CSF2RB: variants seen among roughly 807,000 people sequenced by gnomAD.
The protein encoded by CSF2RB is colony stimulating factor 2 receptor subunit beta.
A neutral mutation model predicts 67.2 loss-of-function variants in CSF2RB; 22 were observed. The observed-to-expected ratio is 0.33, with a 90% confidence interval of 0.23 to 0.47. The LOEUF (loss-of-function observed/expected upper bound fraction) is 0.47, where lower values mean the gene tolerates loss of function less well. Ranked by LOEUF, CSF2RB falls within the 20% of genes least tolerant of loss-of-function variation. CSF2RB has a pLI of 1.00. For missense variants in CSF2RB, 1,113 were observed against 1,174.5 expected, an observed-to-expected ratio of 0.95 and a Z score of 0.76; for synonymous variants, 507 against 482.9, an observed-to-expected ratio of 1.05 and a Z score of -0.65.
chr22:36,928,048 G>A (rs16997507), intron 4 of CSF2RB, among the ~76,000 whole-genome samples: 2,858 of 152,286 alleles, frequency 0.019, 45 homozygotes, highest in South Asian at 0.067. Context: ...TATAGGGAGA[G>A]AAGTGTGGCC....
At chr22:36,918,708 G>T (rs1387041620) in intron 1 of CSF2RB, among the ~76,000 whole-genome samples, 1 of 152,176 alleles carries the variant, frequency 6.6e-6, no homozygotes, top group Non-Finnish European at 1.5e-5. Context: ...GGCTGCACAT[G>T]GAAAATCCCT....
At position 36,938,505 on chromosome 22, in the gene CSF2RB, C is replaced by G. The variant is rs752822192; in HGVS notation, c.*3C>G. The G allele has an allele frequency of 3.1e-6, 5 of 1,609,782 alleles. 1 individual carries two copies. In the South Asian group the frequency reaches 5.5e-5, roughly 18 times the overall value. On this transcript the variant is annotated 3_prime_UTR_variant, in exon 14 of 14. Coordinates refer to ENST00000403662, the MANE Select transcript of CSF2RB (RefSeq NM_000395.3). ...ACAAGCCTGGGGAGGTGTGTTGAGA[C>G]CCCCAGGCCTAGACAGGCAAGGGGA...
At chr22:36,914,900 A>G (rs950504114) in intron 1 of CSF2RB, among the ~76,000 whole-genome samples, 1 of 152,206 alleles carries the variant, frequency 6.6e-6, no homozygotes, top group Non-Finnish European at 1.5e-5. Flanking sequence ...ACAAGCAACT[A>G]CACAGAAACC....
rs529580142 is a variant in CSF2RB at position 36,918,344 on chromosome 22, A to G, written c.-172-3692A>G. Among the ~76,000 whole-genome samples the G allele has an allele frequency of 3.9e-5, 6 of 152,330 alleles. No homozygotes were observed. The South Asian group carries it at 1.0e-3, about 26-fold the overall frequency. Reference sequence around the variant, plus strand: ...TTCCCTTGGTATTTTCAAGACATCTATTTAAAGTTCAGAGTCTCTTATGTG... The same window carrying G: ...TTCCCTTGGTATTTTCAAGACATCTGTTTAAAGTTCAGAGTCTCTTATGTG... On this transcript the variant is annotated intron_variant, in intron 1 of 13. Transcript: ENST00000403662.
rs564069437 is a variant in CSF2RB at position 36,939,191 on chromosome 22, G to C, written c.*689G>C. ...TGTTTGGGAGCTTCTGGGGAGCCCT[G>C]CTAGTTGTCTCAGTGATGTCTGTGG... On this transcript the variant is annotated 3_prime_UTR_variant, in exon 14 of 14. Transcript: ENST00000403662. The C allele has an allele frequency of 1.3e-4, 89 of 702,346 alleles. No homozygotes were observed. In the African/African-American group the frequency reaches 1.3e-3, roughly 11 times the overall value. The allele number at this position is 702,346 out of a possible 1,614,324, so 43.5% of individuals were successfully genotyped here. A position where few individuals can be genotyped will look rare whatever the true frequency, so the allele number is the denominator to read the frequency against.
intron 13 of CSF2RB, 133 bp downstream of exon 13, chr22:36,936,785 A>T: frequency 5.6e-6 from 4 of 716,344 alleles, no homozygotes; most frequent in Non-Finnish European, 9.3e-6. Context: ...GGTTTGCACT[A>T]AAGCAGGAGG....
chr22:36,913,983 G>C (rs1162730800), intron 1 of CSF2RB, among the ~76,000 whole-genome samples: 1 of 151,996 alleles, frequency 6.6e-6, no homozygotes, highest in African/African-American at 2.4e-5. Context: ...CGCCTAGTGG[G>C]GTGAAGAGAG....
At position 36,936,504 on chromosome 22, in the gene CSF2RB, C is replaced by T. The variant is rs199883316; in HGVS notation, c.1465-45C>T. On this transcript the variant is annotated intron_variant, in intron 12 of 13. Transcript: ENST00000403662. ...GTCACCCTCTGCCTTGCCCCCACCT[C>T]GGACCTCCTGATGCTCACCGGCCCA... 2.6e-4 allele frequency: 414 copies of T among 1,582,028 alleles called. 2 individuals are homozygous for T. The African/African-American group carries it at 4.5e-3, about 17-fold the overall frequency.
At chr22:36,919,522 C>A (rs1940801688) in intron 1 of CSF2RB, among the ~76,000 whole-genome samples, 1 of 151,842 alleles carries the variant, frequency 6.6e-6, no homozygotes, top group African/African-American at 2.4e-5. Context: ...CTGCCTCAGC[C>A]TCCAGAATAG....
chr22:36,924,637 C>A (rs1351444226), intron 3 of CSF2RB, among the ~76,000 whole-genome samples: 1 of 152,182 alleles, frequency 6.6e-6, no homozygotes, highest in Non-Finnish European at 1.5e-5. Flanking sequence ...ATGCTGCCCC[C>A]ACCAGGCCAC....
chr22:36,928,463 G>C (rs1020583105), intron 4 of CSF2RB, among the ~76,000 whole-genome samples: 1 of 152,170 alleles, frequency 6.6e-6, no homozygotes, highest in African/African-American at 2.4e-5. Context: ...TGCCGTTCTG[G>C]GTTGATGGTT....
Position 36,922,124 on chromosome 22 carries a change from A to T in CSF2RB, c.-84A>T. 7.8e-7 allele frequency: 1 copy of T among 1,285,510 alleles called. No individual in the cohort carries two copies. The highest frequency in any genetic ancestry group is 1.1e-6 in the Non-Finnish European group (1 of 915,118). 79.6% of individuals were successfully genotyped at this position (1,285,510 alleles called of 1,614,324 possible). On this transcript the variant is annotated 5_prime_UTR_variant, in exon 2 of 14. Transcript: ENST00000403662. ...GCTCCCAGCTGGGCAGGAACACAGG[A>T]CTTCAGGACACTAAGGACCCTGTCA...
At position 36,922,071 on chromosome 22, in the gene CSF2RB, C is replaced by T; in HGVS notation, c.-137C>T. The stretch of plus-strand genomic sequence containing the variant: ...GGCAGAGGCCAGGAGGGAGAGGTCC[C>T]AAGAGCCTGTGAAATGGGTCTGGCC... On this transcript the variant is annotated 5_prime_UTR_variant, in exon 2 of 14. Coordinates refer to ENST00000403662, the MANE Select transcript of CSF2RB (RefSeq NM_000395.3). 2 of 761,186 alleles carry T rather than the reference C, an allele frequency of 2.6e-6. No homozygotes were observed. The highest frequency in any genetic ancestry group is 4.5e-6 in the Non-Finnish European group (2 of 448,308). 47.2% of individuals were successfully genotyped at this position (761,186 alleles called of 1,614,324 possible). A position where few individuals can be genotyped will look rare whatever the true frequency, so the allele number is the denominator to read the frequency against.
At chr22:36,925,252 G>C (rs1382466614) in intron 3 of CSF2RB, among the ~76,000 whole-genome samples, 1 of 152,144 alleles carries the variant, frequency 6.6e-6, no homozygotes, top group African/African-American at 2.4e-5. Flanking sequence ...ATCTCAAGCA[G>C]AACATGAATC....
Position 36,923,698 on chromosome 22 carries a change from G to A in CSF2RB, c.200+331G>A, listed in dbSNP as rs1940937907. ...ACCTATCTTAGTTCCTCCTCACTGT[G>A]AGGTGGGCAGGGCCAGGCCACGAAG... On this transcript the variant is annotated intron_variant, in intron 3 of 13. Transcript: ENST00000403662. 4 of 1,328,410 alleles carry A rather than the reference G, an allele frequency of 3.0e-6. No individual in the cohort carries two copies. The Admixed American group carries it at 9.0e-5, about 30-fold the overall frequency. 82.3% of individuals were successfully genotyped at this position (1,328,410 alleles called of 1,614,324 possible).
At chr22:36,932,181 T>C (rs1208497669) in intron 8 of CSF2RB, among the ~76,000 whole-genome samples, 1 of 152,202 alleles carries the variant, frequency 6.6e-6, no homozygotes, top group Non-Finnish European at 1.5e-5. Context: ...ACGCCTGTAA[T>C]CCCAGCACTT....
At position 36,937,707 on chromosome 22, in the gene CSF2RB, T is replaced by TG; in HGVS notation, c.1905dup (p.Gln636AlafsTer68). ...CCCTGGAGTACCTGTGTCTGCCTGC[T>TG]GGGGGGCAGGTGCAACTGGTCCCTC... On this transcript the variant is annotated frameshift_variant, in exon 14 of 14. Transcript: ENST00000403662. LOFTEE classifies it low-confidence loss of function (END_TRUNC). This position sits in a 1 kb window ranked among gnomAD's most constrained non-coding sequence, Gnocchi z 4.6. 1 of 1,555,762 alleles carries TG rather than the reference T, an allele frequency of 6.4e-7. No homozygotes were observed.
In CSF2RB at chr22:36,939,263, C is replaced by T; in HGVS notation, c.*761C>T. ...CCACGTCATGTAGAGAAGTTAACGG[C>T]CCAAGTGGTGGGCAGGCTGGCGGGA... On this transcript the variant is annotated 3_prime_UTR_variant, in exon 14 of 14. Transcript: ENST00000403662. The T allele has an allele frequency of 1.4e-6, 1 of 702,204 alleles. No individual in the cohort carries two copies. Among genetic ancestry groups the T allele is most frequent in the South Asian group, 1.5e-5 (1 of 67,504 alleles). The allele number at this position is 702,204 out of a possible 1,614,324, so 43.5% of individuals were successfully genotyped here.
intron 12 of CSF2RB, among the ~76,000 whole-genome samples, chr22:36,936,182 G>A (rs955939707): frequency 2.0e-5 from 3 of 152,142 alleles, no homozygotes; most frequent in Non-Finnish European, 2.9e-5. Context: ...GATGACCATG[G>A]GGAAGACACC....
Sources: gnomAD v4.1 joint callset for allele counts (sites outside exome capture counted in the v4.1 genomes callset) on GRCh38, gnomAD v4.1.1 for gene constraint, Gnocchi (gnomAD v3.1) non-coding constraint, MANE v1.5 for transcripts, NCBI Gene and HGNC (gene_info 2026-07-23, HGNC 2026-07-21) for gene names.